ATG7: variants seen among roughly 807,000 people sequenced by gnomAD.
The protein encoded by ATG7 is ubiquitin-like modifier-activating enzyme ATG7.
In ATG7, 70 loss-of-function variants were observed where a neutral mutation model predicts 82.4. The ratio of observed to expected loss-of-function variants is 0.85; its 90% CI spans 0.70 to 1.04. The LOEUF is 1.04. ATG7 is among the 50% of genes least tolerant of loss of function. The pLI, the probability that ATG7 is intolerant of heterozygous loss-of-function variation, is 0.00. For synonymous variants in ATG7, 287 were observed against 313.0 expected (o/e 0.92, Z 0.88); for missense variants, 792 against 864.3 (o/e 0.92, Z 1.05).
At chr3:11,386,595 G>T (rs954123230) in intron 19 of ATG7, among the ~76,000 whole-genome samples, 1 of 152,108 alleles carries the variant, frequency 6.6e-6, no homozygotes, top group African/African-American at 2.4e-5. Context: ...CTTCTCAGTG[G>T]CAAATATTAC....
intron 20 of ATG7, among the ~76,000 whole-genome samples, chr3:11,454,645 A>T (rs914237236): frequency 2.0e-5 from 3 of 152,162 alleles, no homozygotes; most frequent in African/African-American, 7.2e-5. Context: ...TTTTAGCTTG[A>T]GTAAATAAAG....
intron 19 of ATG7, among the ~76,000 whole-genome samples, chr3:11,394,825 C>A (rs192318430): frequency 1.3e-5 from 2 of 152,226 alleles, no homozygotes; most frequent in African/African-American, 4.8e-5. Flanking sequence ...GAAATATGAT[C>A]CTAGTCCTAA....
chr3:11,568,670 C>T, the ATG7 span: 6 of 1,556,674 alleles, frequency 3.9e-6, no homozygotes, highest in Non-Finnish European at 5.2e-6. This position sits in a 1 kb window ranked among gnomAD's most constrained non-coding sequence, Gnocchi z 5.9. Context: ...GCCCCGCTCG[C>T]CCGGATGAAT....
intron 9 of ATG7, among the ~76,000 whole-genome samples, chr3:11,323,700 CTG>C (rs1325448443): frequency 1.3e-5 from 2 of 152,204 alleles, no homozygotes; most frequent in African/African-American, 4.8e-5. Flanking sequence ...GCTTTAAAAT[CTG>C]TGGACAAGAG....
intron 10 of ATG7, 110 bp from the exon 11 acceptor site, chr3:11,332,862 A>T: frequency 8.9e-7 from 1 of 1,128,570 alleles, no homozygotes; most frequent in East Asian, 3.1e-5. Context: ...GCATAATTAG[A>T]ATGCATTGAA....
chr3:11,551,110 T>C (rs1403708627), intron 20 of ATG7, among the ~76,000 whole-genome samples: 1 of 152,224 alleles, frequency 6.6e-6, no homozygotes, highest in Non-Finnish European at 1.5e-5. Context: ...ATCATTAAAA[T>C]CCTTGATTTC....
rs965152076 is a variant in ATG7 at position 11,313,547 on chromosome 3, T to C, written c.528+127T>C. On this transcript the variant is annotated intron_variant, in intron 8 of 20. Coordinates refer to ENST00000693202, the MANE Select transcript of ATG7 (RefSeq NM_001349232.2). ...CGTGGTAACTGAAATCCTCCAAAGG[T>C]GGTACTAGGAGCAGACTTATTTAGA... 6 of 601,062 alleles carry C rather than the reference T, an allele frequency of 1.0e-5. No homozygotes were observed. In the African/African-American group the frequency reaches 1.1e-4, roughly 11 times the overall value. 37.2% of individuals were successfully genotyped at this position (601,062 alleles called of 1,614,324 possible). A position where few individuals can be genotyped will look rare whatever the true frequency, so the allele number is the denominator to read the frequency against.
intron 19 of ATG7, among the ~76,000 whole-genome samples, chr3:11,424,348 T>A (rs1424563354): frequency 6.6e-6 from 1 of 152,102 alleles, no homozygotes; most frequent in African/African-American, 2.4e-5. Context: ...AAATATTCAA[T>A]GTTAAATAAT....
chr3:11,425,450 T>G (rs2082285478), intron 19 of ATG7, among the ~76,000 whole-genome samples: 1 of 152,266 alleles, frequency 6.6e-6, no homozygotes, highest in Non-Finnish European at 1.5e-5. Flanking sequence ...TGTTGATTTC[T>G]TAGATATGTC....
chr3:11,397,120 G>C (rs1315359942), intron 19 of ATG7, among the ~76,000 whole-genome samples: 1 of 152,092 alleles, frequency 6.6e-6, no homozygotes, highest in African/African-American at 2.4e-5. Context: ...TTAAATGCTG[G>C]CGGTAGAAAG....
At position 11,381,058 on chromosome 3, in the gene ATG7, A is replaced by G. The variant is rs78215819; in HGVS notation, c.1956+1006A>G. On this transcript the variant is annotated intron_variant, in intron 19 of 20. Transcript: ENST00000693202. ...TTTGGTTACGTTTAGATGCTCAAAA[A>G]TTGAGACTAATTATTTTCTTTTTGC... is the stretch of plus-strand genomic sequence containing the variant. Among the ~76,000 whole-genome samples the G allele has an allele frequency of 2.2e-3, 335 of 152,340 alleles. 1 individual carries two copies. Among genetic ancestry groups the G allele is most frequent in the African/African-American group, 7.7e-3 (320 of 41,580 alleles).
At chr3:11,559,847 C>T (rs867526797), downstream of ATG7, among the ~76,000 whole-genome samples, 6 of 152,160 alleles carry the variant, frequency 3.9e-5, no homozygotes, top group African/African-American at 1.4e-4. Flanking sequence ...TCCACTGAGC[C>T]GCGGGTGTGC....
At chr3:11,449,164 C>G (rs2084865740) in intron 20 of ATG7, among the ~76,000 whole-genome samples, 1 of 152,226 alleles carries the variant, frequency 6.6e-6, no homozygotes, top group African/African-American at 2.4e-5. Flanking sequence ...GCAGAGGCCA[C>G]TGTCTCTGCC....
chr3:11,353,951 G>T (rs1196085289), intron 14 of ATG7, among the ~76,000 whole-genome samples: 1 of 152,192 alleles, frequency 6.6e-6, no homozygotes, highest in Non-Finnish European at 1.5e-5. Flanking sequence ...TGCTTCTTCT[G>T]GGTGACAGAC....
chr3:11,298,923 G>A, intron 4 of ATG7, 68 bp downstream of exon 4: 1 of 1,539,350 alleles, frequency 6.5e-7, no homozygotes. Flanking sequence ...TATAGTGTCA[G>A]CTTTCCTTTA....
At chr3:11,468,379 G>A (rs1393806823) in intron 20 of ATG7, among the ~76,000 whole-genome samples, 1 of 152,086 alleles carries the variant, frequency 6.6e-6, no homozygotes, top group Non-Finnish European at 1.5e-5. Context: ...TCCAAGGCCT[G>A]GATCATGCCT....
At chr3:11,309,202 T>G (rs1362943436) in intron 7 of ATG7, 141 bp downstream of exon 7, 1 of 851,024 alleles carries the variant, frequency 1.2e-6, no homozygotes, top group African/African-American at 1.7e-5. Context: ...AAACGCTCAT[T>G]TGATTAGTGG....
At chr3:11,525,477 T>A (rs1386535913) in intron 20 of ATG7, among the ~76,000 whole-genome samples, 2 of 148,838 alleles carry the variant, frequency 1.3e-5, no homozygotes, top group Non-Finnish European at 3.0e-5. Flanking sequence ...TTTACTCCTT[T>A]GCCCTTGTAT....
At chr3:11,428,531 G>C (rs1206723885) in intron 20 of ATG7, among the ~76,000 whole-genome samples, 2 of 152,220 alleles carry the variant, frequency 1.3e-5, no homozygotes, top group African/African-American at 4.8e-5. Flanking sequence ...ATGGCCAATA[G>C]TTAGAGCCAC....
Sources: gnomAD v4.1 joint callset for allele counts (sites outside exome capture counted in the v4.1 genomes callset) on GRCh38, gnomAD v4.1.1 for gene constraint, Gnocchi (gnomAD v3.1) non-coding constraint, MANE v1.5 for transcripts, NCBI Gene and HGNC (gene_info 2026-07-23, HGNC 2026-07-21) for gene names.